PLD5: variants seen among roughly 807,000 people sequenced by gnomAD.
PLD5 encodes the protein inactive phospholipase D5.
Under a neutral mutation model 61.1 loss-of-function variants are expected in PLD5, and 36 were observed. That is an observed-to-expected ratio of 0.59 (90% confidence interval 0.45 to 0.78). PLD5 has a LOEUF of 0.78. PLD5 is among the 30% of genes least tolerant of loss of function. PLD5 has a pLI of 0.00. For missense variants in PLD5, 515 were observed against 644.4 expected (o/e 0.80, Z 2.17); for synonymous variants, 243 against 242.8 (o/e 1.00, Z -0.01).
At chr1:242,321,732 T>C (rs866253764) in intron 2 of PLD5, among the ~76,000 whole-genome samples, 2 of 152,328 alleles carry the variant, frequency 1.3e-5, no homozygotes, top group Middle Eastern at 3.4e-3. Flanking sequence ...AGATGATATA[T>C]AAGCTTCTAC....
intron 1 of PLD5, among the ~76,000 whole-genome samples, chr1:242,410,677 T>A (rs1664498247): frequency 6.6e-6 from 1 of 152,108 alleles, no homozygotes; most frequent in Non-Finnish European, 1.5e-5. Flanking sequence ...GGTATTTAGC[T>A]TAGGTATTTT....
Position 242,242,763 on chromosome 1 carries a change from T to C in PLD5, c.607+22574A>G, listed in dbSNP as rs1312357003. ...TAGTTGGAACTATCACTAACTATAA[T>C]CATATTGCACATATACCAAAGATCT... On this transcript the variant is annotated intron_variant, in intron 4 of 9. Transcript: ENST00000536534. Among the ~76,000 whole-genome samples, 4 of 152,328 alleles carry C rather than the reference T, an allele frequency of 2.6e-5. No individual in the cohort carries two copies. In the East Asian group the frequency reaches 7.7e-4, roughly 29 times the overall value.
chr1:242,360,269 C>T (rs866256946), intron 1 of PLD5, among the ~76,000 whole-genome samples: 26 of 152,078 alleles, frequency 1.7e-4, no homozygotes, highest in African/African-American at 4.6e-4. Flanking sequence ...TCAAATTTAC[C>T]TGCCTTTAGT....
At chr1:242,233,552 G>T (rs762243626) in intron 4 of PLD5, among the ~76,000 whole-genome samples, 2 of 149,430 alleles carry the variant, frequency 1.3e-5, no homozygotes, top group Non-Finnish European at 3.0e-5. Context: ...AGAGAGAGGA[G>T]TTGGAGGTAG....
chr1:242,106,661 G>C (rs1160722789), intron 8 of PLD5, among the ~76,000 whole-genome samples: 1 of 152,188 alleles, frequency 6.6e-6, no homozygotes, highest in Non-Finnish European at 1.5e-5. Flanking sequence ...TCTGGCCTTG[G>C]GATATTCAGG....
intron 1 of PLD5, among the ~76,000 whole-genome samples, chr1:242,379,309 C>A (rs192136013): frequency 6.6e-6 from 1 of 152,266 alleles, no homozygotes; most frequent in East Asian, 1.9e-4. Flanking sequence ...CTAGAGCACA[C>A]CAGGACCTTG....
At chr1:242,328,432 G>A (rs186581447) in intron 2 of PLD5, among the ~76,000 whole-genome samples, 15 of 152,174 alleles carry the variant, frequency 9.9e-5, no homozygotes, top group African/African-American at 3.1e-4. Context: ...ATATATGTGT[G>A]TTCTACATAC....
intron 2 of PLD5, among the ~76,000 whole-genome samples, chr1:242,344,185 A>T (rs902367442): frequency 1.3e-5 from 2 of 152,208 alleles, no homozygotes; most frequent in African/African-American, 2.4e-5. Flanking sequence ...CCAATTCAGG[A>T]TCAACCAGAA....
At chr1:242,217,183 C>T (rs1405793760) in intron 5 of PLD5, among the ~76,000 whole-genome samples, 6 of 152,220 alleles carry the variant, frequency 3.9e-5, no homozygotes, top group Non-Finnish European at 7.3e-5. Context: ...AACATTCATT[C>T]TGCAGCCCAG....
At chr1:242,282,528 G>T (rs1176206088) in intron 3 of PLD5, among the ~76,000 whole-genome samples, 2 of 152,120 alleles carry the variant, frequency 1.3e-5, no homozygotes, top group Non-Finnish European at 2.9e-5. Flanking sequence ...AAACAATTCT[G>T]ATGTATCATC....
rs182521169 is a variant in PLD5 at position 242,514,018 on chromosome 1, C to T, written c.189+10070G>A. Among the ~76,000 whole-genome samples, 12 of 152,308 alleles carry T rather than the reference C, an allele frequency of 7.9e-5. No individual in the cohort carries two copies. In the East Asian group the frequency reaches 2.1e-3, roughly 27 times the overall value. On this transcript the variant is annotated intron_variant, in intron 1 of 9. Coordinates refer to ENST00000536534, the MANE Select transcript of PLD5 (RefSeq NM_001372062.1). ...CCTATATGGACCACTAAAAAAGATGCTACACTGGTCTCCCCAATTCTAGGC... is the reference window on the plus strand; with the variant it reads ...CCTATATGGACCACTAAAAAAGATGTTACACTGGTCTCCCCAATTCTAGGC...
intron 5 of PLD5, among the ~76,000 whole-genome samples, chr1:242,165,766 G>C (rs1423951253): frequency 6.6e-6 from 1 of 152,114 alleles, no homozygotes; most frequent in South Asian, 2.1e-4. Flanking sequence ...GCTCATGCTG[G>C]TGGCCAGAGA....
At chr1:242,475,438 A>G (rs992743724) in intron 1 of PLD5, among the ~76,000 whole-genome samples, 7 of 151,334 alleles carry the variant, frequency 4.6e-5, no homozygotes, top group African/African-American at 7.3e-5. Flanking sequence ...AAAAAAAAAA[A>G]AAAGAAAACA....
intron 1 of PLD5, among the ~76,000 whole-genome samples, chr1:242,392,402 T>C (rs921433971): frequency 1.3e-5 from 2 of 152,152 alleles, no homozygotes; most frequent in South Asian, 4.1e-4. Context: ...TCACCCTGAA[T>C]CTAAAATAAA....
chr1:242,361,445 C>G (rs916788164), intron 1 of PLD5, among the ~76,000 whole-genome samples: 3 of 152,056 alleles, frequency 2.0e-5, no homozygotes, highest in African/African-American at 7.2e-5. Flanking sequence ...ATTTTCAAAT[C>G]CTTAACAGGT....
chr1:242,478,583 G>C (rs746962406), intron 1 of PLD5, among the ~76,000 whole-genome samples: 3 of 152,084 alleles, frequency 2.0e-5, no homozygotes, highest in African/African-American at 4.8e-5. Context: ...TCTTGAAAAG[G>C]TTCAAGCTTA....
intron 5 of PLD5, among the ~76,000 whole-genome samples, chr1:242,128,329 C>A (rs201368552): frequency 1.9e-4 from 26 of 138,642 alleles, no homozygotes; most frequent in South Asian, 4.8e-4. Flanking sequence ...AAAAAAAAAA[C>A]CATGCTATTT....
intron 3 of PLD5, among the ~76,000 whole-genome samples, chr1:242,273,224 G>A: frequency 6.6e-6 from 1 of 151,724 alleles, no homozygotes; most frequent in Non-Finnish European, 1.5e-5. Flanking sequence ...ATGGCTTCTA[G>A]CTTCATCCAT....
chr1:242,506,035 A>G (rs1219976508), intron 1 of PLD5, among the ~76,000 whole-genome samples: 2 of 152,240 alleles, frequency 1.3e-5, no homozygotes, highest in Admixed American at 6.5e-5. Flanking sequence ...AAATGGTGTT[A>G]CCAGTCATAT....
Sources: allele counts gnomAD v4.1 joint callset (sites outside exome capture counted in the v4.1 genomes callset), GRCh38; gene constraint gnomAD v4.1.1; transcripts MANE v1.5; gene names NCBI Gene and HGNC (gene_info 2026-07-23, HGNC 2026-07-21).